Variants in AMZ1 observed in about 807,000 individuals in gnomAD.
AMZ1 encodes archaemetzincin-1.
AMZ1 carries 39 observed loss-of-function variants against 29.9 expected under a neutral mutation model. That is an observed-to-expected ratio of 1.30 (90% CI 1.01 to 1.70). AMZ1 has a LOEUF of 1.70. Among genes scored for constraint, AMZ1 ranks in the 40% most tolerant of loss-of-function variants. The pLI is 0.00. For missense variants in AMZ1, 1,041 were observed against 680.6 expected (o/e 1.53, Z -5.89); for synonymous variants, 458 against 304.0 (o/e 1.51, Z -5.27).
chr7:2,724,840 A>G (rs1219767749), intron 4 of AMZ1, among the ~76,000 whole-genome samples: 2 of 152,210 alleles, frequency 1.3e-5, no homozygotes, highest in African/African-American at 2.4e-5. Context: ...AGAGTCTCAC[A>G]ATGACAATGT....
At chr7:2,742,501 C>T (rs1014327712) in intron 4 of AMZ1, among the ~76,000 whole-genome samples, 1 of 152,216 alleles carries the variant, frequency 6.6e-6, no homozygotes, top group Non-Finnish European at 1.5e-5. Context: ...TCGCTGTCCA[C>T]ATGGACTCAC....
chr7:2,686,913 C>G (rs1583134452), upstream of AMZ1, among the ~76,000 whole-genome samples: 1 of 151,646 alleles, frequency 6.6e-6, no homozygotes, highest in East Asian at 2.0e-4. Flanking sequence ...CGGGGTTTGA[C>G]CATACTGGCC....
In AMZ1 at chr7:2,700,592, C is replaced by T; in HGVS notation, c.141C>T (p.Ala47=). 2 of 1,610,476 alleles carry T rather than the reference C, an allele frequency of 1.2e-6. No homozygotes were observed. The highest frequency in any genetic ancestry group is 1.1e-5 in the South Asian group (1 of 91,086). ...SPAERLFLAE[A]YNPQRTLFCT... ...CCGAGCGGCTCTTCCTGGCCGAGGC[C>T]TACAACCCGCAGAGGACGCTCTTCT... Residue 47 remains alanine (A), a synonymous_variant, in exon 2 of 7, where the codon GCC becomes GCT. Transcript: ENST00000683327.
At chr7:2,752,932 A>C (rs555074938) in intron 4 of AMZ1, among the ~76,000 whole-genome samples, 58 of 152,262 alleles carry the variant, frequency 3.8e-4, no homozygotes, top group Middle Eastern at 6.8e-3. Flanking sequence ...AGATTTGTGT[A>C]ACCACCACTG....
At chr7:2,680,456 G>T (rs140857437) in intron 1 of AMZ1, among the ~76,000 whole-genome samples, 1 of 152,172 alleles carries the variant, frequency 6.6e-6, no homozygotes, top group East Asian at 1.9e-4. Flanking sequence ...ACATGCAGCC[G>T]CCCTGGGCCG....
upstream of AMZ1, among the ~76,000 whole-genome samples, chr7:2,759,858 C>T (rs17132651): frequency 9.0e-3 from 1,371 of 151,904 alleles, 17 homozygotes; most frequent in African/African-American, 0.031. Flanking sequence ...TGCGATTGTC[C>T]GCCCCCGTCT....
Position 2,731,070 on chromosome 7 carries a change from G to A in AMZ1, n.550+21254G>A. 1 of 692,502 alleles carries A rather than the reference G, an allele frequency of 1.4e-6. No individual in the cohort carries two copies. Among genetic ancestry groups the A allele is most frequent in the Non-Finnish European group, 2.4e-6 (1 of 412,358 alleles). 42.9% of individuals were successfully genotyped at this position (692,502 alleles called of 1,614,324 possible). A position where few individuals can be genotyped will look rare whatever the true frequency, so the allele number is the denominator to read the frequency against. On this transcript the variant is annotated intron_variant and non_coding_transcript_variant, in intron 4 of 4. Transcript: ENST00000489665. The surrounding 1 kb of genome is among the most constrained non-coding windows in gnomAD (Gnocchi z 6.0). ...AGCATTCCTGAGCCAGGTATTCCAG[G>A]GCACGGATCCGAGAAACCCACTCAA... is the stretch of plus-strand genomic sequence containing the variant.
At chr7:2,764,888 C>T (rs1050612896) in exon 1 of AMZ1, 2 of 152,210 alleles carry the variant, frequency 1.3e-5, no homozygotes, top group African/African-American at 2.4e-5. Context: ...GGCTTAAGCA[C>T]GCGTTAGTTA....
At chr7:2,741,935 C>T (rs1790527444) in intron 4 of AMZ1, among the ~76,000 whole-genome samples, 1 of 151,674 alleles carries the variant, frequency 6.6e-6, no homozygotes, top group Admixed American at 6.6e-5. Context: ...AGACCATTTC[C>T]CTCCTCTAGC....
chr7:2,725,252 A>G (rs1583194614), intron 4 of AMZ1, among the ~76,000 whole-genome samples: 1 of 152,168 alleles, frequency 6.6e-6, no homozygotes, highest in Non-Finnish European at 1.5e-5. Flanking sequence ...CAGGGGCTGG[A>G]GCCATGGCCA....
At position 2,702,733 on chromosome 7, in the gene AMZ1, G is replaced by C; in HGVS notation, c.316G>C (p.Glu106Gln). The C allele has an allele frequency of 6.5e-7, 1 of 1,535,934 alleles. No individual in the cohort carries two copies. Among genetic ancestry groups the C allele is most frequent in the Non-Finnish European group, 8.7e-7 (1 of 1,143,318 alleles). Residue 106 changes from glutamate (E) to glutamine (Q), a missense_variant, in exon 3 of 7, where the codon GAG becomes CAG. Glu to Gln is a conservative substitution (Grantham distance 29, BLOSUM62 2). Transcript: ENST00000683327. ...IYLQPIDLSE[E>Q]PVGSSLLHQL... ...TGCTCTCCCACCAGACCTGAGCGAG[G>C]AGCCGGTGGGAAGCTCCCTGCTGCA... is the stretch of plus-strand genomic sequence containing the variant.
upstream of AMZ1, chr7:2,762,324 G>A (rs1404314423): frequency 6.2e-6 from 2 of 324,852 alleles, no homozygotes; most frequent in South Asian, 1.0e-4. Flanking sequence ...GCCAGGCGCT[G>A]CGCGACTGCT....
In AMZ1 at chr7:2,682,131, G is replaced by A. The variant is rs188093587; in HGVS notation, c.-219+2460G>A. ...GAATACTAATCCAGAAGCTCAAAGG[G>A]CGGCCTCACAGGCTGGGCACAGGGA... On this transcript the variant is annotated intron_variant, in intron 1 of 6. Transcript: ENST00000312371. Among the ~76,000 whole-genome samples, 292 of 152,350 alleles carry A rather than the reference G, an allele frequency of 1.9e-3. 5 individuals are homozygous for A. In the South Asian group the frequency reaches 0.02, roughly 10 times the overall value.
chr7:2,695,385 C>A (rs898916673), intron 1 of AMZ1, among the ~76,000 whole-genome samples: 6 of 152,046 alleles, frequency 3.9e-5, no homozygotes, highest in Admixed American at 6.6e-5. Flanking sequence ...AAGGTGGGGC[C>A]CTGCTTCCCA....
At chr7:2,695,544 C>G (rs1787658240) in intron 1 of AMZ1, among the ~76,000 whole-genome samples, 1 of 130,866 alleles carries the variant, frequency 7.6e-6, no homozygotes, top group South Asian at 2.6e-4. Context: ...TAGTGAGACT[C>G]TTCTCTACAA....
chr7:2,705,037 C>A (rs552607755), intron 3 of AMZ1, among the ~76,000 whole-genome samples: 82 of 152,352 alleles, frequency 5.4e-4, no homozygotes, highest in Middle Eastern at 3.4e-3. Context: ...GTTATTTCTG[C>A]TAATTTTGTC....
At chr7:2,744,346 G>A (rs778132442) in intron 4 of AMZ1, among the ~76,000 whole-genome samples, 7 of 152,184 alleles carry the variant, frequency 4.6e-5, no homozygotes, top group Non-Finnish European at 8.8e-5. Flanking sequence ...TCAGGCAGCA[G>A]CATTTGTGGG....
At chr7:2,753,429 C>T (rs1791133603) in intron 4 of AMZ1, among the ~76,000 whole-genome samples, 4 of 152,254 alleles carry the variant, frequency 2.6e-5, no homozygotes, top group South Asian at 4.1e-4. Context: ...TGAGCCCCTG[C>T]ACCTGGCAGC....
chr7:2,684,838 G>C (rs1007618219), upstream of AMZ1, among the ~76,000 whole-genome samples: 1 of 152,006 alleles, frequency 6.6e-6, no homozygotes, highest in Non-Finnish European at 1.5e-5. Flanking sequence ...ACAGACAGAG[G>C]AGGAACTGCC....
Sources: allele counts gnomAD v4.1 joint callset (sites outside exome capture counted in the v4.1 genomes callset), GRCh38; gene constraint gnomAD v4.1.1; non-coding constraint Gnocchi (gnomAD v3.1); transcripts MANE v1.5; gene names NCBI Gene and HGNC (gene_info 2026-07-23, HGNC 2026-07-21).